The following CD1B variants were observed in gnomAD, a reference collection of about 807,000 sequenced individuals.
The protein encoded by CD1B is T-cell surface glycoprotein CD1b.
A neutral mutation model predicts 39.8 loss-of-function variants in CD1B; 43 were observed. That is an observed-to-expected ratio of 1.08 (90% CI 0.85 to 1.39). CD1B has a LOEUF of 1.39. Ranked by LOEUF, CD1B falls within the 40% of genes most tolerant of loss-of-function variation. The pLI is 0.00. For synonymous variants in CD1B, 192 were observed against 152.5 expected (o/e 1.26, Z -1.91); for missense variants, 495 against 403.8 (o/e 1.23, Z -1.94).
At chr1:158,308,544 T>C in the CD1B span, among the ~76,000 whole-genome samples, 15 of 152,040 alleles carry the variant, frequency 9.9e-5, no homozygotes, top group East Asian at 3.9e-4. Flanking sequence ...GCCAAAAGAA[T>C]AAAGCTGGAG....
At chr1:158,292,917 C>A in the CD1B span, 1 of 1,600,086 alleles carries the variant, frequency 6.2e-7, no homozygotes, top group Non-Finnish European at 8.5e-7. Flanking sequence ...GTTCTTGAGC[C>A]TAGAGGTTAG....
intron 5 of CD1B, among the ~76,000 whole-genome samples, chr1:158,328,690 T>C (rs1652456803): frequency 6.6e-6 from 1 of 152,158 alleles, no homozygotes; most frequent in South Asian, 2.1e-4. Context: ...TGAACACACT[T>C]AACACCACTG....
the CD1B span, among the ~76,000 whole-genome samples, chr1:158,312,518 C>A: frequency 6.6e-6 from 1 of 151,950 alleles, no homozygotes; most frequent in Admixed American, 6.6e-5. Context: ...TAATTTTTGT[C>A]CTTTTCAATT....
chr1:158,305,463 C>G, the CD1B span, among the ~76,000 whole-genome samples: 71 of 152,164 alleles, frequency 4.7e-4, no homozygotes, highest in Non-Finnish European at 8.4e-4. Flanking sequence ...GATTGGTGTA[C>G]CTGAAAGTGA....
At chr1:158,316,146 T>C in the CD1B span, among the ~76,000 whole-genome samples, 1 of 152,032 alleles carries the variant, frequency 6.6e-6, no homozygotes, top group Non-Finnish European at 1.5e-5. Flanking sequence ...TGCGGGCTCT[T>C]TTTTGGTTCC....
At chr1:158,318,817 A>T in the CD1B span, among the ~76,000 whole-genome samples, 2 of 152,108 alleles carry the variant, frequency 1.3e-5, no homozygotes, top group African/African-American at 4.8e-5. Flanking sequence ...GTTCCTTTCC[A>T]TGTTTAGCGC....
the CD1B span, among the ~76,000 whole-genome samples, chr1:158,322,046 C>T: frequency 1.2e-4 from 18 of 152,200 alleles, no homozygotes; most frequent in African/African-American, 4.3e-4. Context: ...ATTGTACACT[C>T]TAACTCCTTT....
chr1:158,305,675 C>T, the CD1B span, among the ~76,000 whole-genome samples: 1 of 152,140 alleles, frequency 6.6e-6, no homozygotes, highest in African/African-American at 2.4e-5. Context: ...TAAGGGCAGC[C>T]AGAGAGAAAG....
the CD1B span, among the ~76,000 whole-genome samples, chr1:158,307,013 T>A: frequency 2.0e-5 from 3 of 151,906 alleles, no homozygotes; most frequent in Non-Finnish European, 4.4e-5. Flanking sequence ...ACATCACAAT[T>A]AAAAGAACTA....
At chr1:158,316,266 A>T in the CD1B span, among the ~76,000 whole-genome samples, 1 of 151,914 alleles carries the variant, frequency 6.6e-6, no homozygotes, top group Non-Finnish European at 1.5e-5. Flanking sequence ...CATTTTCATG[A>T]TATTGATTCT....
the CD1B span, among the ~76,000 whole-genome samples, chr1:158,285,420 C>T: frequency 1.3e-5 from 2 of 152,096 alleles, no homozygotes; most frequent in Non-Finnish European, 2.9e-5. Flanking sequence ...ATATTTTAGG[C>T]TTCAAAATTT....
chr1:158,297,927 C>A, the CD1B span, among the ~76,000 whole-genome samples: 21 of 147,386 alleles, frequency 1.4e-4, no homozygotes, highest in Non-Finnish European at 2.7e-4. Context: ...CAGAGTGAGA[C>A]CCTGTCTCAC....
chr1:158,316,643 C>A, the CD1B span, among the ~76,000 whole-genome samples: 2 of 150,776 alleles, frequency 1.3e-5, no homozygotes, highest in Non-Finnish European at 2.9e-5. Context: ...ATTGAATACC[C>A]TTTATTTCCT....
chr1:158,304,831 T>C, the CD1B span, among the ~76,000 whole-genome samples: 2 of 152,212 alleles, frequency 1.3e-5, no homozygotes, highest in African/African-American at 4.8e-5. Flanking sequence ...AAACAGGGTC[T>C]GGAGTAGACC....
chr1:158,293,362 C>A, the CD1B span: 1 of 1,591,534 alleles, frequency 6.3e-7, no homozygotes, highest in East Asian at 2.2e-5. Flanking sequence ...CCATTTTTCA[C>A]TCTCTTAGCT....
At chr1:158,300,010 T>G in the CD1B span, among the ~76,000 whole-genome samples, 1 of 152,214 alleles carries the variant, frequency 6.6e-6, no homozygotes, top group African/African-American at 2.4e-5. Flanking sequence ...TGATCTTAGT[T>G]ATTTCTTGTC....
At chr1:158,302,000 G>A in the CD1B span, among the ~76,000 whole-genome samples, 1 of 151,870 alleles carries the variant, frequency 6.6e-6, no homozygotes, top group Non-Finnish European at 1.5e-5. Context: ...AATCAAGCTG[G>A]TAGTTGCAGA....
the CD1B span, among the ~76,000 whole-genome samples, chr1:158,316,402 T>A: frequency 6.6e-6 from 1 of 151,750 alleles, no homozygotes; most frequent in East Asian, 1.9e-4. Context: ...CCTAGGTATT[T>A]TATTCTCTTT....
the CD1B span, among the ~76,000 whole-genome samples, chr1:158,305,950 AC>A: frequency 2.6e-5 from 4 of 152,240 alleles, no homozygotes; most frequent in Non-Finnish European, 4.4e-5. Context: ...ATGAAAAGGA[AC>A]AAGTGGTACC....
Sources: gnomAD v4.1 joint callset for allele counts (sites outside exome capture counted in the v4.1 genomes callset) on GRCh38, gnomAD v4.1.1 for gene constraint, MANE v1.5 for transcripts, NCBI Gene and HGNC (gene_info 2026-07-23, HGNC 2026-07-21) for gene names.